Variants in LAMA2 observed in about 807,000 individuals in gnomAD.
LAMA2 encodes laminin subunit alpha-2.
LAMA2 carries 269 observed loss-of-function variants against 364.8 expected under a neutral mutation model. The ratio of observed to expected loss-of-function variants is 0.74; its 90% CI spans 0.67 to 0.82. LAMA2 has a LOEUF of 0.82. Ranked by LOEUF, LAMA2 falls within the 40% of genes least tolerant of loss-of-function variation. The pLI is 0.00. For synonymous variants in LAMA2, 1,379 were observed against 1,370.6 expected, an observed-to-expected ratio of 1.01 and a Z score of -0.14; for missense variants, 3,807 against 3,873.2, an observed-to-expected ratio of 0.98 and a Z score of 0.45.
At chr6:129,066,042 T>A (rs138779758) in intron 3 of LAMA2, among the ~76,000 whole-genome samples, 11 of 34,112 alleles carry the variant, frequency 3.2e-4, no homozygotes, top group African/African-American at 8.5e-4. Context: ...TCTCAGGTTT[T>A]TTTTTTTTTT....
intron 1 of LAMA2, among the ~76,000 whole-genome samples, chr6:129,022,538 C>A (rs1363623623): frequency 6.6e-6 from 1 of 152,028 alleles, no homozygotes; most frequent in African/African-American, 2.4e-5. Context: ...CGCTTTTAGC[C>A]AAAAAGTTTA....
intron 59 of LAMA2, 44 bp from the exon 60 acceptor site, chr6:129,503,047 T>A: frequency 1.9e-6 from 3 of 1,542,918 alleles, no homozygotes; most frequent in Non-Finnish European, 2.7e-6. Flanking sequence ...AGCATGAGAA[T>A]GCTGTTATTT....
At chr6:129,296,645 G>A (rs1421550040) in intron 20 of LAMA2, among the ~76,000 whole-genome samples, 2 of 151,576 alleles carry the variant, frequency 1.3e-5, no homozygotes, top group Non-Finnish European at 2.9e-5. Context: ...TCTTTGGGTG[G>A]CTCACGTTAA....
At chr6:129,123,311 A>G (rs1776914926) in intron 4 of LAMA2, among the ~76,000 whole-genome samples, 1 of 151,776 alleles carries the variant, frequency 6.6e-6, no homozygotes, top group Admixed American at 6.6e-5. Flanking sequence ...GTCTCAAAAA[A>G]AAAAAAAAAG....
At chr6:129,443,122 A>G in intron 44 of LAMA2, 54 bp downstream of exon 44, 2 of 1,419,244 alleles carry the variant, frequency 1.4e-6, no homozygotes, top group South Asian at 2.5e-5. Context: ...TTCATTGCCT[A>G]TTGCAAAAAG....
intron 54 of LAMA2, chr6:129,479,501 A>C (rs1371422693): frequency 6.6e-6 from 1 of 152,310 alleles, no homozygotes; most frequent in Admixed American, 6.5e-5. Flanking sequence ...CCATAGCTCT[A>C]CTCTCTTAAA....
Position 129,461,556 on chromosome 6 carries a change from C to A in LAMA2, c.6992+1232C>A, listed in dbSNP as rs553013389. 2.2e-3 allele frequency among the ~76,000 whole-genome samples: 332 copies of A among 152,058 alleles called. 2 individuals are homozygous for A. The highest frequency in any genetic ancestry group is 7.6e-3 in the African/African-American group (314 of 41,512). On this transcript the variant is annotated intron_variant, in intron 49 of 64. Coordinates refer to ENST00000421865, the MANE Select transcript of LAMA2 (RefSeq NM_000426.4). ...CATTAATATTCTGCTACTCACAAACCAACACCAACTTTTCCCTAAGCGTTT... is the reference window on the plus strand; with the variant it reads ...CATTAATATTCTGCTACTCACAAACAAACACCAACTTTTCCCTAAGCGTTT...
At chr6:129,312,507 A>T (rs1240133616) in intron 22 of LAMA2, among the ~76,000 whole-genome samples, 1 of 152,214 alleles carries the variant, frequency 6.6e-6, no homozygotes, top group Non-Finnish European at 1.5e-5. Context: ...TGCTACAATT[A>T]TGAGATAATA....
chr6:128,895,468 TAAAAAAA>T lies in LAMA2; in HGVS notation c.112+12128_112+12134del, dbSNP rs34458994. On this transcript the variant is annotated intron_variant, in intron 1 of 64. Transcript: ENST00000421865. The stretch of plus-strand genomic sequence containing the variant: ...TAACATGGTGAAACCCTGTCTCTAC[TAAAAAAA>T]AAAAAAAAAAAAAAAAGCAAAAATT... Among the ~76,000 whole-genome samples the T allele has an allele frequency of 1.5e-3, 102 of 65,844 alleles. 1 individual carries two copies. The highest frequency in any genetic ancestry group is 5.0e-3 in the Admixed American group (27 of 5,430). The allele number at this position is 65,844 out of a possible 152,430, so 43.2% of individuals were successfully genotyped here.
At chr6:129,469,150 A>T (rs1783687679) in intron 51 of LAMA2, among the ~76,000 whole-genome samples, 1 of 151,978 alleles carries the variant, frequency 6.6e-6, no homozygotes, top group African/African-American at 2.4e-5. Context: ...GAAGCTGTTT[A>T]AACTGTGTTG....
intron 11 of LAMA2, 89 bp downstream of exon 11, chr6:129,190,434 T>C: frequency 7.7e-7 from 1 of 1,296,132 alleles, no homozygotes; most frequent in East Asian, 2.4e-5. Context: ...CAGTTTCTGA[T>C]AGTGAACTTC....
intron 1 of LAMA2, among the ~76,000 whole-genome samples, chr6:128,940,717 C>T (rs1258504426): frequency 3.3e-5 from 5 of 152,098 alleles, no homozygotes; most frequent in South Asian, 2.1e-4. Flanking sequence ...TTCTAGAGAC[C>T]AGGGTGAGAG....
intron 4 of LAMA2, among the ~76,000 whole-genome samples, chr6:129,116,690 C>T (rs1394380092): frequency 2.0e-5 from 3 of 152,002 alleles, no homozygotes; most frequent in Admixed American, 6.6e-5. Flanking sequence ...TAATAACATG[C>T]ATTTTATACA....
At chr6:129,180,099 CACTT>C (rs1350646732) in intron 10 of LAMA2, among the ~76,000 whole-genome samples, 1 of 138,380 alleles carries the variant, frequency 7.2e-6, no homozygotes, top group Non-Finnish European at 1.5e-5. Flanking sequence ...ACTGAAAAGA[CACTT>C]AATGTAACAG....
At chr6:129,352,316 T>TA (rs1477298660) in intron 31 of LAMA2, among the ~76,000 whole-genome samples, 2 of 152,228 alleles carry the variant, frequency 1.3e-5, no homozygotes, top group African/African-American at 4.8e-5. Flanking sequence ...GATGCATAGA[T>TA]ACGTGGAAGA....
At chr6:129,366,682 A>G (rs34674781) in intron 33 of LAMA2, among the ~76,000 whole-genome samples, 3 of 152,212 alleles carry the variant, frequency 2.0e-5, no homozygotes, top group Non-Finnish European at 4.4e-5. Context: ...AAACAAATTA[A>G]TCCTTACAAA....
intron 24 of LAMA2, among the ~76,000 whole-genome samples, chr6:129,315,034 A>G (rs1774490098): frequency 6.6e-6 from 1 of 152,214 alleles, no homozygotes. Context: ...CCAAGTGAAA[A>G]AGAGGAACCT....
At chr6:129,451,856 G>C (rs961400104) in intron 45 of LAMA2, among the ~76,000 whole-genome samples, 1 of 152,166 alleles carries the variant, frequency 6.6e-6, no homozygotes, top group African/African-American at 2.4e-5. Context: ...ATCATATGGA[G>C]GCTGTTTTGG....
chr6:129,154,739 A>AGAGTTAT, intron 8 of LAMA2, 56 bp downstream of exon 8: 1 of 1,358,922 alleles, frequency 7.4e-7, no homozygotes, highest in Non-Finnish European at 1.0e-6. Context: ...TCATACAAAA[A>AGAGTTAT]TGTTTTATAC....
Sources: gnomAD v4.1 joint callset for allele counts (sites outside exome capture counted in the v4.1 genomes callset) on GRCh38, gnomAD v4.1.1 for gene constraint, MANE v1.5 for transcripts, NCBI Gene and HGNC (gene_info 2026-07-23, HGNC 2026-07-21) for gene names.